Variants in ENTPD1 observed in about 807,000 individuals in gnomAD.
The protein encoded by ENTPD1 is ATP diphosphohydrolase.
In ENTPD1, 33 loss-of-function variants were observed where a neutral mutation model predicts 57.0. That is an observed-to-expected ratio of 0.58 (90% CI 0.44 to 0.77). The LOEUF (loss-of-function observed/expected upper bound fraction) is 0.77, where lower values mean the gene tolerates loss of function less well. ENTPD1 is among the 30% of genes least tolerant of loss of function. ENTPD1 has a pLI of 0.00. For synonymous variants in ENTPD1, 202 were observed against 218.8 expected (o/e 0.92, Z 0.68); for missense variants, 501 against 603.4 (o/e 0.83, Z 1.78).
intron 1 of ENTPD1, among the ~76,000 whole-genome samples, chr10:95,745,211 T>C (rs2098004730): frequency 1.3e-5 from 2 of 152,120 alleles, no homozygotes; most frequent in East Asian, 3.9e-4. Context: ...AGAAATAAGG[T>C]CTTGCTCTCT....
Position 95,823,284 on chromosome 10 carries a change from G to T in ENTPD1, c.64G>T (p.Gly22Cys), listed in dbSNP as rs756263091. The change falls in exon 2 of 10, where the codon GGC becomes TGC. Residue 22 changes from glycine (G) to cysteine (C), a missense_variant. Gly to Cys is a radical substitution (Grantham distance 159). Coordinates refer to ENST00000371205, the MANE Select transcript of ENTPD1 (RefSeq NM_001776.6). ...CTCCAAGAATATCCTAGCCATCCTT[G>T]GCTTCTCCTCTATCATAGCTGTGAT... ...FCSKNILAIL[G>C]FSSIIAVIAL... is the part of the protein sequence containing the mutation. 1 of 1,614,152 alleles carries T rather than the reference G, an allele frequency of 6.2e-7. No homozygotes were observed. The highest frequency in any genetic ancestry group is 1.1e-5 in the South Asian group (1 of 91,084).
chr10:95,862,384 T>C (rs765290876), intron 8 of ENTPD1, among the ~76,000 whole-genome samples: 41 of 152,372 alleles, frequency 2.7e-4, no homozygotes, highest in Non-Finnish European at 4.7e-4. Context: ...CATGGACTGC[T>C]ACTCCAGTAT....
chr10:95,848,611 T>C (rs1195738424), intron 7 of ENTPD1, among the ~76,000 whole-genome samples: 4 of 152,170 alleles, frequency 2.6e-5, no homozygotes, highest in African/African-American at 9.7e-5. Context: ...TGCCGCCATT[T>C]TGGAATCAGA....
At chr10:95,861,154 C>A (rs962767435) in intron 8 of ENTPD1, among the ~76,000 whole-genome samples, 6 of 152,244 alleles carry the variant, frequency 3.9e-5, no homozygotes, top group Non-Finnish European at 8.8e-5. Flanking sequence ...CACTCTCCTC[C>A]TTCAGTCCCC....
chr10:95,743,614 T>G (rs2098002685), intron 1 of ENTPD1, among the ~76,000 whole-genome samples: 1 of 152,198 alleles, frequency 6.6e-6, no homozygotes, highest in Non-Finnish European at 1.5e-5. Flanking sequence ...ACACTAATAG[T>G]CTATTTCAGT....
At chr10:95,837,590 C>G (rs187262459) in intron 2 of ENTPD1, among the ~76,000 whole-genome samples, 1 of 152,324 alleles carries the variant, frequency 6.6e-6, no homozygotes, top group Admixed American at 6.5e-5. Flanking sequence ...GGAATCCCCA[C>G]TGTGTGTAAC....
chr10:95,772,121 T>A lies in ENTPD1; in HGVS notation c.16+15866T>A, dbSNP rs947977577. Among the ~76,000 whole-genome samples, 3 of 152,242 alleles carry A rather than the reference T, an allele frequency of 2.0e-5. No homozygotes were observed. The South Asian group carries it at 6.2e-4, about 31-fold the overall frequency. ...ATTGCTAAAAAAATGCTAACAGTCA[T>A]CTGAACCTTCAGTGAGTGGTACTCT... On this transcript the variant is annotated intron_variant, in intron 1 of 9. Transcript: ENST00000371205.
chr10:95,845,224 G>C (rs2098432434), intron 5 of ENTPD1, 133 bp from the exon 6 acceptor site: 2 of 1,200,384 alleles, frequency 1.7e-6, no homozygotes, highest in Non-Finnish European at 2.4e-6. Context: ...TTGTAGATCA[G>C]GAGCCTCTAG....
chr10:95,804,752 G>A (rs574065576), intron 1 of ENTPD1, among the ~76,000 whole-genome samples: 2 of 152,160 alleles, frequency 1.3e-5, no homozygotes, highest in Non-Finnish European at 2.9e-5. Flanking sequence ...TCCCTGTCTT[G>A]TGCCAGTTTT....
In ENTPD1 at chr10:95,783,751, C is replaced by G. The variant is rs533034759; in HGVS notation, c.16+27496C>G. Among the ~76,000 whole-genome samples, 97 of 151,434 alleles carry G rather than the reference C, an allele frequency of 6.4e-4. 1 individual carries two copies. Reference sequence around the variant, plus strand: ...AGTGTCCACTTCTTCAAGACAGTATCCAATTCTTCCTGGCATTTTGATGGT... The same window carrying G: ...AGTGTCCACTTCTTCAAGACAGTATGCAATTCTTCCTGGCATTTTGATGGT... On this transcript the variant is annotated intron_variant, in intron 1 of 9. Transcript: ENST00000371205.
chr10:95,815,223 C>G (rs2098325979), intron 1 of ENTPD1, among the ~76,000 whole-genome samples: 1 of 152,178 alleles, frequency 6.6e-6, no homozygotes, highest in East Asian at 1.9e-4. Flanking sequence ...AAGAATAAAA[C>G]TGAAAAATTT....
At chr10:95,803,268 T>G (rs1332129995) in intron 1 of ENTPD1, among the ~76,000 whole-genome samples, 1 of 152,198 alleles carries the variant, frequency 6.6e-6, no homozygotes, top group Non-Finnish European at 1.5e-5. Context: ...TAGTTCTAGA[T>G]CCTTGGATCA....
intron 1 of ENTPD1, among the ~76,000 whole-genome samples, chr10:95,777,924 G>A (rs1044800248): frequency 6.6e-6 from 1 of 152,196 alleles, no homozygotes; most frequent in Non-Finnish European, 1.5e-5. Context: ...AGTGAGCAAG[G>A]CTTTGTGGGC....
At chr10:95,706,194 G>A in the ENTPD1 span, among the ~76,000 whole-genome samples, 2 of 152,088 alleles carry the variant, frequency 1.3e-5, no homozygotes, top group African/African-American at 4.8e-5. Flanking sequence ...CAAAAAATAG[G>A]CAAAACTGCC....
At chr10:95,790,358 T>C (rs990711798) in intron 1 of ENTPD1, among the ~76,000 whole-genome samples, 5 of 152,318 alleles carry the variant, frequency 3.3e-5, no homozygotes, top group Non-Finnish European at 7.4e-5. Context: ...TGACTATGTG[T>C]GTTATTGGTC....
chr10:95,844,994 A>G (rs1326219702), intron 5 of ENTPD1: 4 of 468,170 alleles, frequency 8.5e-6, no homozygotes, highest in Admixed American at 3.4e-5. Context: ...GAACAACACT[A>G]TGAGGTACTA....
intron 1 of ENTPD1, among the ~76,000 whole-genome samples, chr10:95,802,619 C>G (rs1180010779): frequency 6.6e-6 from 1 of 152,148 alleles, no homozygotes; most frequent in Admixed American, 6.5e-5. Flanking sequence ...CCCCCCACAC[C>G]ATGACAGGCC....
intron 1 of ENTPD1, among the ~76,000 whole-genome samples, chr10:95,808,498 C>T (rs768060548): frequency 2.0e-5 from 3 of 152,116 alleles, no homozygotes; most frequent in East Asian, 1.9e-4. Context: ...AGGAATGATA[C>T]CAGGTCTTCA....
intron 1 of ENTPD1, among the ~76,000 whole-genome samples, chr10:95,721,028 G>A (rs1014318688): frequency 7.2e-5 from 11 of 152,186 alleles, no homozygotes; most frequent in South Asian, 2.1e-4. Context: ...TGCCTAAGGC[G>A]GACTTTTGAA....
Sources: allele counts gnomAD v4.1 joint callset (sites outside exome capture counted in the v4.1 genomes callset), GRCh38; gene constraint gnomAD v4.1.1; transcripts MANE v1.5; gene names NCBI Gene and HGNC (gene_info 2026-07-23, HGNC 2026-07-21).